GON4L: variants seen among roughly 807,000 people sequenced by gnomAD.
GON4L encodes GON-4-like protein.
A neutral mutation model predicts 211.8 loss-of-function variants in GON4L; 87 were observed. The observed-to-expected ratio is 0.41, with a 90% CI of 0.35 to 0.49. The LOEUF (loss-of-function observed/expected upper bound fraction) is 0.49, where lower values mean the gene tolerates loss of function less well. GON4L is among the 20% of genes least tolerant of loss of function. The probability of loss-of-function intolerance (pLI) is 0.15; values close to 1 mark genes in which losing one functional copy is unlikely to be tolerated. For missense variants in GON4L, 2,155 were observed against 2,659.5 expected, an observed-to-expected ratio of 0.81 and a Z score of 4.17; for synonymous variants, 875 against 962.6, an observed-to-expected ratio of 0.91 and a Z score of 1.68.
intron 14 of GON4L, among the ~76,000 whole-genome samples, chr1:155,778,768 A>G (rs997683544): frequency 1.3e-5 from 2 of 151,950 alleles, no homozygotes. Flanking sequence ...ATGTGTTCTC[A>G]TTGTTCAGCT....
At chr1:155,756,505 C>G (rs912101830) in intron 27 of GON4L, 6 of 165,524 alleles carry the variant, frequency 3.6e-5, no homozygotes, top group African/African-American at 1.2e-4. Flanking sequence ...TCTCCGTGAT[C>G]GTCTCAGATC....
At chr1:155,787,552 C>A (rs1665086637) in intron 12 of GON4L, among the ~76,000 whole-genome samples, 1 of 152,192 alleles carries the variant, frequency 6.6e-6, no homozygotes, top group African/African-American at 2.4e-5. Context: ...GCAGGCAGAT[C>A]ATCTGCGGTC....
At chr1:155,852,822 T>C (rs1671930847) in intron 2 of GON4L, among the ~76,000 whole-genome samples, 1 of 149,830 alleles carries the variant, frequency 6.7e-6, no homozygotes, top group Non-Finnish European at 1.5e-5. Flanking sequence ...ATTCATAAAG[T>C]TCACTGCTGG....
rs778791446 is a variant in GON4L, at chr1:155,753,261, C to T, written c.5785G>A (p.Glu1929Lys). The change falls in exon 29 of 32, where the codon GAG (glutamate) becomes AAG (lysine). Residue 1929 changes from glutamate (E) to lysine (K), a missense_variant. By Grantham distance (56) the Glu-to-Lys change is moderately conservative. This residue lies in a region of GON4L where 455 missense variants were observed against 504.6 expected (regional missense o/e 0.90). Transcript: ENST00000368331. ...CTGACAGTCCTGCTCTGGGTGGCCT[C>T]AGTGCTCTCCCGCTCCTCTGGGGCT... ...EEAPEEREST[E>K]ATQSRTVRTT... is the part of the protein sequence containing the mutation. 1.2e-6 allele frequency: 2 copies of T among 1,613,868 alleles called. No homozygotes were observed. The highest frequency in any genetic ancestry group is 8.5e-7 in the Non-Finnish European group (1 of 1,179,872).
At position 155,763,345 on chromosome 1, in the gene GON4L, C is replaced by G; in HGVS notation, c.4693G>C (p.Ala1565Pro). The change falls in exon 22 of 32, where the codon GCT becomes CCT. Residue 1565 changes from alanine (A) to proline (P), a missense_variant. Physicochemically the swap from Ala to Pro is conservative, Grantham distance 27. This residue lies in a region of GON4L where 455 missense variants were observed against 504.6 expected (regional missense o/e 0.90). Coordinates refer to ENST00000368331, the MANE Select transcript of GON4L (RefSeq NM_001282860.2). ...GTTCTGCTGGTCTCCACTTCTGGAG[C>G]AGTCTCAGGTGAAGCAAAAGTAGGA... The part of the protein sequence containing the change: ...KPPTFASPET[A>P]PEVETSRTPP... 6.2e-7 allele frequency: 1 copy of G among 1,613,844 alleles called. No individual in the cohort carries two copies. The highest frequency in any genetic ancestry group is 2.2e-5 in the East Asian group (1 of 44,878).
chr1:155,813,316 C>T (rs1667956912), intron 10 of GON4L, among the ~76,000 whole-genome samples: 1 of 151,886 alleles, frequency 6.6e-6, no homozygotes, highest in African/African-American at 2.4e-5. Flanking sequence ...ATACCTGTCC[C>T]ACCTATTCGG....
chr1:155,845,083 T>C (rs923704530), intron 2 of GON4L, among the ~76,000 whole-genome samples: 3 of 152,096 alleles, frequency 2.0e-5, no homozygotes, highest in African/African-American at 7.2e-5. Flanking sequence ...TAAAACCCTG[T>C]AAGATTGAAG....
chr1:155,759,694 A>G (rs1661568619), intron 24 of GON4L, among the ~76,000 whole-genome samples: 2 of 151,936 alleles, frequency 1.3e-5, no homozygotes, highest in African/African-American at 2.4e-5. Flanking sequence ...TTTAACCCCA[A>G]TAAAACTCTT....
intron 2 of GON4L, among the ~76,000 whole-genome samples, chr1:155,840,077 AT>A (rs1670641149): frequency 6.6e-6 from 1 of 152,158 alleles, no homozygotes; most frequent in East Asian, 1.9e-4. Flanking sequence ...ATGCTGAAAT[AT>A]TTTAGCTTAG....
intron 10 of GON4L, among the ~76,000 whole-genome samples, chr1:155,807,086 C>T (rs1667198898): frequency 9.8e-6 from 1 of 102,212 alleles, no homozygotes; most frequent in South Asian, 3.7e-4. Flanking sequence ...GCAAGAGAGA[C>T]ATCTCAAAAA....
intron 3 of GON4L, among the ~76,000 whole-genome samples, chr1:155,825,956 TCGCTTGAAC>T (rs1346394025): frequency 6.6e-6 from 1 of 151,802 alleles, no homozygotes; most frequent in Non-Finnish European, 1.5e-5. Context: ...GGCGGGAGAA[TCGCTTGAAC>T]CTGGGAGGCG....
At chr1:155,822,241 G>A in intron 4 of GON4L, 45 bp downstream of exon 4, 1 of 1,476,428 alleles carries the variant, frequency 6.8e-7, no homozygotes, top group South Asian at 1.1e-5. Flanking sequence ...TGCTTTCCAT[G>A]AAAAAGTTCC....
intron 12 of GON4L, among the ~76,000 whole-genome samples, chr1:155,789,876 C>T (rs1665346769): frequency 6.6e-6 from 1 of 152,074 alleles, no homozygotes; most frequent in South Asian, 2.1e-4. Context: ...TCCTGTATAC[C>T]TTATCTCTAG....
chr1:155,754,389 G>T lies in GON4L; in HGVS notation c.5617C>A (p.His1873Asn). The T allele has an allele frequency of 6.2e-7, 1 of 1,605,298 alleles. No individual in the cohort carries two copies. Among genetic ancestry groups the T allele is most frequent in the Non-Finnish European group, 8.5e-7 (1 of 1,172,090 alleles). ...ACTTTCCTCACCTTGCTGCTACAGT[G>T]GCTACAGCTCCGCCTTTTGCTCTTC... ...LKKSKRRSCSHCSSKVCDSKS... is the reference protein window; with the variant it reads ...LKKSKRRSCSNCSSKVCDSKS... The change falls in exon 28 of 32, where the codon CAC becomes AAC. Residue 1873 changes from histidine to asparagine, a missense_variant. Physicochemically the swap from His to Asn is moderately conservative, Grantham distance 68. This residue lies in a region of GON4L where 455 missense variants were observed against 504.6 expected (regional missense o/e 0.90). Transcript: ENST00000368331.
At chr1:155,767,276 A>C (rs1662613751) in intron 20 of GON4L, 149 bp downstream of exon 20, 1 of 1,557,336 alleles carries the variant, frequency 6.4e-7, no homozygotes, top group Non-Finnish European at 8.7e-7. Context: ...AGAAGGGCAG[A>C]AAAGTAAGGG....
At chr1:155,829,871 G>T (rs570726733) in intron 2 of GON4L, among the ~76,000 whole-genome samples, 10 of 151,958 alleles carry the variant, frequency 6.6e-5, no homozygotes, top group African/African-American at 1.4e-4. Context: ...AAAAAAGGTT[G>T]TAGAAAAAAG....
At chr1:155,763,165 T>G in intron 22 of GON4L, 147 bp downstream of exon 22, 1 of 619,694 alleles carries the variant, frequency 1.6e-6, no homozygotes. Context: ...TTAAACATGT[T>G]TTGGGGGAGG....
At chr1:155,760,422 C>T in intron 24 of GON4L, 22 bp downstream of exon 24, 5 of 1,518,656 alleles carry the variant, frequency 3.3e-6, no homozygotes, top group Non-Finnish European at 4.5e-6. Context: ...TCCCAGTGTA[C>T]TTTTTTTCCC....
chr1:155,764,133 C>T (rs1174177088), intron 21 of GON4L, among the ~76,000 whole-genome samples: 3 of 151,956 alleles, frequency 2.0e-5, no homozygotes, highest in Non-Finnish European at 4.4e-5. Flanking sequence ...TTCCCTTTTA[C>T]AAACTTCTGT....
Sources: allele counts gnomAD v4.1 joint callset (sites outside exome capture counted in the v4.1 genomes callset), GRCh38; gene constraint gnomAD v4.1.1; regional missense constraint gnomAD v4.1.1; transcripts MANE v1.5; gene names NCBI Gene and HGNC (gene_info 2026-07-23, HGNC 2026-07-21).